Variants in RPS6KA2 observed in about 807,000 individuals in gnomAD.
RPS6KA2 encodes the protein ribosomal protein S6 kinase alpha-2.
RPS6KA2 carries 42 observed loss-of-function variants against 91.8 expected under a neutral mutation model. That is an observed-to-expected ratio of 0.46 (90% CI 0.36 to 0.59). RPS6KA2 has a LOEUF of 0.59. RPS6KA2 is among the 20% of genes least tolerant of loss of function. The probability of loss-of-function intolerance (pLI) is 0.00; values close to 1 mark genes in which losing one functional copy is unlikely to be tolerated. For synonymous variants in RPS6KA2, 414 were observed against 393.6 expected (o/e 1.05, Z -0.61); for missense variants, 798 against 978.5 (o/e 0.82, Z 2.46).
intron 1 of RPS6KA2, among the ~76,000 whole-genome samples, chr6:166,618,673 A>G (rs1278959955): frequency 1.3e-5 from 2 of 152,246 alleles, no homozygotes; most frequent in African/African-American, 4.8e-5. Context: ...ATTCGGGCAA[A>G]TGCCCATCAC....
Position 166,806,844 on chromosome 6 carries a change from G to A in RPS6KA2, c.123+51356C>T, listed in dbSNP as rs116038435. On this transcript the variant is annotated intron_variant, in intron 2 of 21. Coordinates refer to the RPS6KA2 transcript ENST00000503859. ...TTTTGGACACAAAATACATAAAGAT[G>A]TGATTTTGTGAGTTCAACAACTGAA... Among the ~76,000 whole-genome samples the A allele has an allele frequency of 7.4e-3, 1,129 of 152,236 alleles. 12 individuals carry two copies. The highest frequency in any genetic ancestry group is 0.026 in the African/African-American group (1,076 of 41,524).
chr6:166,746,957 G>A lies in RPS6KA2; in HGVS notation c.123+111243C>T, dbSNP rs60679033. Among the ~76,000 whole-genome samples the A allele has an allele frequency of 6.2e-3, 937 of 152,334 alleles. 9 individuals are homozygous for A. Among genetic ancestry groups the A allele is most frequent in the African/African-American group, 0.021 (892 of 41,592 alleles). On this transcript the variant is annotated intron_variant, in intron 2 of 21. Transcript: ENST00000503859. Reference sequence around the variant, plus strand: ...GGCAGCCAAATGGAGATGGACATGGGGTGAAGCATGGGGAAGGGTGTGGAG... The same window carrying A: ...GGCAGCCAAATGGAGATGGACATGGAGTGAAGCATGGGGAAGGGTGTGGAG...
chr6:166,591,499 T>G (rs6906151), intron 1 of RPS6KA2, among the ~76,000 whole-genome samples: 1 of 152,038 alleles, frequency 6.6e-6, no homozygotes, highest in Non-Finnish European at 1.5e-5. Context: ...CGAGTGGCCC[T>G]AATCCAAGAT....
Position 166,689,744 on chromosome 6 carries a change from C to T in RPS6KA2, c.124-150960G>A, listed in dbSNP as rs187053570. ...TTTCATAGGCAAAAGTTTGGTGTCC[C>T]TGAACAAAACCATCCAACTGTAGCT... On this transcript the variant is annotated intron_variant, in intron 2 of 21. Transcript: ENST00000503859. Among the ~76,000 whole-genome samples, 11 of 152,318 alleles carry T rather than the reference C, an allele frequency of 7.2e-5. No individual in the cohort carries two copies. The East Asian group carries it at 2.1e-3, about 29-fold the overall frequency.
intron 1 of RPS6KA2, among the ~76,000 whole-genome samples, chr6:166,609,795 T>C (rs554205416): frequency 2.6e-5 from 4 of 152,258 alleles, no homozygotes; most frequent in African/African-American, 7.2e-5. Flanking sequence ...CCACCGTGCC[T>C]GGCGTAAAAG....
At chr6:166,550,113 C>T (rs185747189) in intron 1 of RPS6KA2, among the ~76,000 whole-genome samples, 9 of 152,114 alleles carry the variant, frequency 5.9e-5, no homozygotes, top group South Asian at 4.2e-4. Flanking sequence ...ATGGAAAATA[C>T]GTCAAGATAT....
rs9459706 is a variant in RPS6KA2 at position 166,648,982 on chromosome 6, C to T, written c.124-110198G>A. 8.9e-3 allele frequency among the ~76,000 whole-genome samples: 1,361 copies of T among 152,296 alleles called. 20 individuals carry two copies. The highest frequency in any genetic ancestry group is 0.031 in the African/African-American group (1,286 of 41,552). ...CCCTACTAATGGGCTCCTTCCTTCGCCCCTCCTCCAGTCTAGTCAATATGT... is the reference window on the plus strand; with the variant it reads ...CCCTACTAATGGGCTCCTTCCTTCGTCCCTCCTCCAGTCTAGTCAATATGT... On this transcript the variant is annotated intron_variant, in intron 2 of 21. Coordinates refer to the RPS6KA2 transcript ENST00000503859. This position sits in a 1 kb window ranked among gnomAD's most constrained non-coding sequence, Gnocchi z 4.8.
At chr6:166,702,185 C>A (rs1418895895) in intron 2 of RPS6KA2, 3 of 1,604,260 alleles carry the variant, frequency 1.9e-6, no homozygotes, top group Non-Finnish European at 2.6e-6. Context: ...AATGGTGGCA[C>A]CTTCTTTTCC....
At chr6:166,828,878 G>A (rs1196774668) in intron 2 of RPS6KA2, among the ~76,000 whole-genome samples, 2 of 152,088 alleles carry the variant, frequency 1.3e-5, no homozygotes, top group African/African-American at 2.4e-5. Context: ...CAATTAACAA[G>A]ATGAAACAAC....
chr6:166,516,372 C>T (rs1239673278), intron 3 of RPS6KA2, among the ~76,000 whole-genome samples: 1 of 152,116 alleles, frequency 6.6e-6, no homozygotes, highest in Non-Finnish European at 1.5e-5. Context: ...AAGCAAAGGC[C>T]TAGGCAGAAG....
intron 2 of RPS6KA2, among the ~76,000 whole-genome samples, chr6:166,840,635 T>G (rs1185123867): frequency 6.6e-6 from 1 of 152,198 alleles, no homozygotes; most frequent in Non-Finnish European, 1.5e-5. Context: ...CCCAGGAGGC[T>G]TAACTAATCA....
chr6:166,730,950 T>C (rs1390477326), intron 2 of RPS6KA2, among the ~76,000 whole-genome samples: 3 of 152,122 alleles, frequency 2.0e-5, no homozygotes, highest in Non-Finnish European at 4.4e-5. Context: ...AATTAAAAAA[T>C]AGATGTCATC....
At chr6:166,810,955 T>C (rs966099458) in intron 2 of RPS6KA2, among the ~76,000 whole-genome samples, 3 of 152,110 alleles carry the variant, frequency 2.0e-5, no homozygotes, top group Non-Finnish European at 4.4e-5. Context: ...GGGTCCATCT[T>C]CCCTCGAGAA....
Position 166,412,958 on chromosome 6 carries a change from C to T in RPS6KA2, c.2077-71G>A. The T allele has an allele frequency of 1.4e-6, 2 of 1,447,624 alleles. No homozygotes were observed. Among genetic ancestry groups the T allele is most frequent in the Non-Finnish European group, 1.8e-6 (2 of 1,089,060 alleles). The allele number at this position is 1,447,624 out of a possible 1,614,324, so 89.7% of individuals were successfully genotyped here. A position where few individuals can be genotyped will look rare whatever the true frequency, so the allele number is the denominator to read the frequency against. On this transcript the variant is annotated intron_variant, in intron 20 of 20. Transcript: ENST00000265678. This position sits in a 1 kb window ranked among gnomAD's most constrained non-coding sequence, Gnocchi z 4.3. Reference sequence around the variant, plus strand: ...GGGGTTGAGCCGGAGCCCGGGGCCTCCATGGGCCTCAGCTGCCCCCAGGCA... The same window carrying T: ...GGGGTTGAGCCGGAGCCCGGGGCCTTCATGGGCCTCAGCTGCCCCCAGGCA...
chr6:166,498,691 G>A lies in RPS6KA2; in HGVS notation c.605-41C>T, dbSNP rs767048796. On this transcript the variant is annotated intron_variant, in intron 7 of 20. Transcript: ENST00000265678. ...GCACACACACTGCCTCAGTCTCTGGGTGTGTTCGGGGGTCCACACTCAGGC... is the reference window on the plus strand; with the variant it reads ...GCACACACACTGCCTCAGTCTCTGGATGTGTTCGGGGGTCCACACTCAGGC... The A allele has an allele frequency of 1.9e-5, 31 of 1,609,132 alleles. No homozygotes were observed. The African/African-American group carries it at 3.2e-4, about 17-fold the overall frequency.
chr6:166,610,693 A>G (rs1786139714), intron 1 of RPS6KA2, among the ~76,000 whole-genome samples: 1 of 152,244 alleles, frequency 6.6e-6, no homozygotes, highest in Admixed American at 6.5e-5. Flanking sequence ...GCGCTGCCAA[A>G]TATTTGACCA....
chr6:166,423,487 T>G lies in RPS6KA2; in HGVS notation c.1582-70A>C. 6.8e-7 allele frequency: 1 copy of G among 1,471,652 alleles called. No homozygotes were observed. Among genetic ancestry groups the G allele is most frequent in the South Asian group, 1.3e-5 (1 of 79,448 alleles). The allele number at this position is 1,471,652 out of a possible 1,614,324, so 91.2% of individuals were successfully genotyped here. A position where few individuals can be genotyped will look rare whatever the true frequency, so the allele number is the denominator to read the frequency against. Reference sequence around the variant, plus strand: ...AGCAGGAGAGGGAGGGCAGGTGCATTTGGAGGGGAGGGTGCATTTGGGAAC... The same window carrying G: ...AGCAGGAGAGGGAGGGCAGGTGCATGTGGAGGGGAGGGTGCATTTGGGAAC... On this transcript the variant is annotated intron_variant, in intron 16 of 20. Coordinates refer to ENST00000265678, the MANE Select transcript of RPS6KA2 (RefSeq NM_021135.6). This position sits in a 1 kb window ranked among gnomAD's most constrained non-coding sequence, Gnocchi z 4.8.
At chr6:166,600,089 C>T (rs1002972986) in intron 1 of RPS6KA2, among the ~76,000 whole-genome samples, 3 of 151,712 alleles carry the variant, frequency 2.0e-5, no homozygotes, top group African/African-American at 7.3e-5. Flanking sequence ...CTCACTGCAG[C>T]CTCGAACTCT....
In RPS6KA2 at chr6:166,508,272, C is replaced by T. The variant is rs140891959; in HGVS notation, c.390G>A (p.Thr130=). The T allele has an allele frequency of 4.0e-5, 64 of 1,611,760 alleles. No individual in the cohort carries two copies. The highest frequency in any genetic ancestry group is 5.5e-5 in the South Asian group (5 of 91,024). Residue 130 remains threonine, a synonymous_variant, in exon 5 of 21, where the codon ACG becomes ACA. Coordinates refer to ENST00000265678, the MANE Select transcript of RPS6KA2 (RefSeq NM_021135.6). This position sits in a 1 kb window ranked among gnomAD's most constrained non-coding sequence, Gnocchi z 4.3. ...CCAGGATCAGGTAGAGCTTTCCTTC[C>T]GTCTGAAAGGCTGTGGGGGACAGAG... ...FIVKLHYAFQ[T]EGKLYLILDF...
Sources: gnomAD v4.1 joint callset for allele counts (sites outside exome capture counted in the v4.1 genomes callset) on GRCh38, gnomAD v4.1.1 for gene constraint, Gnocchi (gnomAD v3.1) non-coding constraint, MANE v1.5 for transcripts, NCBI Gene and HGNC (gene_info 2026-07-23, HGNC 2026-07-21) for gene names.